KHDRBS2: variants seen among roughly 807,000 people sequenced by gnomAD.
KHDRBS2 encodes the protein KH RNA binding domain containing, signal transduction associated 2.
In KHDRBS2, 26 loss-of-function variants were observed where a neutral mutation model predicts 44.3. That is an observed-to-expected ratio of 0.59 (90% CI 0.43 to 0.81). The LOEUF is 0.81. KHDRBS2 is among the 40% of genes least tolerant of loss of function. The pLI is 0.00. For missense variants in KHDRBS2, 476 were observed against 433.1 expected (o/e 1.10, Z -0.88); for synonymous variants, 194 against 151.1 (o/e 1.28, Z -2.08).
At chr6:61,962,494 G>T (rs1300491609) in intron 4 of KHDRBS2, among the ~76,000 whole-genome samples, 1 of 151,980 alleles carries the variant, frequency 6.6e-6, no homozygotes, top group Non-Finnish European at 1.5e-5. Flanking sequence ...TCAAAGTTTT[G>T]CAAAGTTATT....
At chr6:61,631,908 C>T in the KHDRBS2 span, among the ~76,000 whole-genome samples, 29,479 of 151,946 alleles carry the variant, frequency 0.19, 3,336 homozygotes, top group South Asian at 0.33. Flanking sequence ...TAAATCAATC[C>T]GCAAGAGCAT....
chr6:61,590,042 T>C, the KHDRBS2 span, among the ~76,000 whole-genome samples: 1 of 151,338 alleles, frequency 6.6e-6, no homozygotes, highest in African/African-American at 2.4e-5. Flanking sequence ...CATCTGCTGG[T>C]AAAAAAAAAT....
intron 8 of KHDRBS2, among the ~76,000 whole-genome samples, chr6:61,684,778 T>C (rs1342310112): frequency 1.3e-5 from 2 of 151,756 alleles, no homozygotes; most frequent in Non-Finnish European, 2.9e-5. Flanking sequence ...GGTTACATAA[T>C]TGTGAATCTG....
chr6:61,748,252 G>C (rs540406517), intron 6 of KHDRBS2, among the ~76,000 whole-genome samples: 1 of 152,306 alleles, frequency 6.6e-6, no homozygotes, highest in South Asian at 2.1e-4. Context: ...GCCTCACGGA[G>C]TGCTAGGATT....
intron 3 of KHDRBS2, among the ~76,000 whole-genome samples, chr6:62,044,518 A>C (rs1394456813): frequency 1.3e-5 from 2 of 152,046 alleles, no homozygotes; most frequent in South Asian, 2.1e-4. Flanking sequence ...AAAAGAAAGA[A>C]AAAGAAAAAA....
chr6:61,874,146 A>C (rs560905753), intron 6 of KHDRBS2, among the ~76,000 whole-genome samples: 4 of 152,184 alleles, frequency 2.6e-5, no homozygotes, highest in Admixed American at 2.6e-4. Flanking sequence ...TTTATATGAA[A>C]TGCTAGAGGA....
chr6:62,253,579 T>C (rs776831760), intron 1 of KHDRBS2, among the ~76,000 whole-genome samples: 2 of 151,894 alleles, frequency 1.3e-5, no homozygotes, highest in Non-Finnish European at 2.9e-5. Context: ...AATCCAGGTT[T>C]CTTTTCCTCT....
chr6:62,270,561 G>A (rs1228490842), intron 1 of KHDRBS2, among the ~76,000 whole-genome samples: 2 of 151,838 alleles, frequency 1.3e-5, no homozygotes, highest in Non-Finnish European at 2.9e-5. Context: ...TTATGGAAAG[G>A]GGTCACAAGG....
At chr6:61,694,514 AC>A (rs1201630724) in intron 8 of KHDRBS2, among the ~76,000 whole-genome samples, 13 of 152,166 alleles carry the variant, frequency 8.5e-5, no homozygotes, top group African/African-American at 3.1e-4. Flanking sequence ...ATCCTGTGTA[AC>A]CAATTGTACA....
chr6:61,897,063 C>A (rs1439329924), intron 5 of KHDRBS2, among the ~76,000 whole-genome samples: 1 of 152,158 alleles, frequency 6.6e-6, no homozygotes, highest in Non-Finnish European at 1.5e-5. Flanking sequence ...GCAATCCCTA[C>A]CTCTGATGAT....
chr6:61,916,965 A>ATTTTTTTTTTTTTC (rs1807122664), intron 4 of KHDRBS2, among the ~76,000 whole-genome samples: 1 of 90,640 alleles, frequency 1.1e-5, no homozygotes, highest in Non-Finnish European at 2.1e-5. Context: ...GGAACTCTGT[A>ATTTTTTTTTTTTTC]TTTTTTTTTT....
chr6:61,692,986 C>T lies in KHDRBS2; in HGVS notation c.952+4209G>A, dbSNP rs567662735. Among the ~76,000 whole-genome samples, 498 of 152,096 alleles carry T rather than the reference C, an allele frequency of 3.3e-3. 2 individuals carry two copies. Among genetic ancestry groups the T allele is most frequent in the Admixed American group, 4.1e-3 (62 of 15,264 alleles). ...TCCATTGGAATTTAGTATCAGTCTA[C>T]GATACGACCACAATGTAACACAGAG... is the stretch of plus-strand genomic sequence containing the variant. On this transcript the variant is annotated intron_variant, in intron 8 of 8. Transcript: ENST00000281156.
At chr6:61,883,076 T>C (rs1278510620) in intron 6 of KHDRBS2, among the ~76,000 whole-genome samples, 1 of 152,076 alleles carries the variant, frequency 6.6e-6, no homozygotes, top group African/African-American at 2.4e-5. Flanking sequence ...AAATTATTAA[T>C]TTGTACCCAG....
chr6:61,816,189 C>G (rs1788905228), intron 6 of KHDRBS2, among the ~76,000 whole-genome samples: 1 of 151,938 alleles, frequency 6.6e-6, no homozygotes, highest in Non-Finnish European at 1.5e-5. Flanking sequence ...AATTGTGTCC[C>G]CAAAAAGATA....
At chr6:62,090,727 G>T in intron 2 of KHDRBS2, among the ~76,000 whole-genome samples, 1 of 152,070 alleles carries the variant, frequency 6.6e-6, no homozygotes, top group East Asian at 1.9e-4. Flanking sequence ...TTGCTAAAAT[G>T]AAGTATATAT....
chr6:61,800,274 T>G (rs1398205243), intron 6 of KHDRBS2, among the ~76,000 whole-genome samples: 3 of 152,126 alleles, frequency 2.0e-5, no homozygotes, highest in African/African-American at 7.2e-5. Flanking sequence ...AAACTTCACA[T>G]TGCTACATAG....
At chr6:61,564,338 TG>T in the KHDRBS2 span, among the ~76,000 whole-genome samples, 10 of 152,196 alleles carry the variant, frequency 6.6e-5, no homozygotes, top group African/African-American at 2.2e-4. Flanking sequence ...TAGAACAAAC[TG>T]GGCAGAAATC....
Position 62,029,487 on chromosome 6 carries a change from T to A in KHDRBS2, c.336+18391A>T, listed in dbSNP as rs1368937440. Among the ~76,000 whole-genome samples, 3 of 151,960 alleles carry A rather than the reference T, an allele frequency of 2.0e-5. No individual in the cohort carries two copies. In the East Asian group the frequency reaches 5.8e-4, roughly 29 times the overall value. ...AGCATATATTATAATGTGCAAGATA[T>A]TTATGAATAAGTAACATTATCAGGA... On this transcript the variant is annotated intron_variant, in intron 3 of 8. Coordinates refer to ENST00000281156, the MANE Select transcript of KHDRBS2 (RefSeq NM_152688.4).
At chr6:61,597,753 T>C in the KHDRBS2 span, among the ~76,000 whole-genome samples, 1 of 54,128 alleles carries the variant, frequency 1.8e-5, no homozygotes, top group Non-Finnish European at 3.5e-5. Context: ...TATATATATA[T>C]ATATACATAT....
Sources: gnomAD v4.1 joint callset for allele counts (sites outside exome capture counted in the v4.1 genomes callset) on GRCh38, gnomAD v4.1.1 for gene constraint, MANE v1.5 for transcripts, NCBI Gene and HGNC (gene_info 2026-07-23, HGNC 2026-07-21) for gene names.